Variants in ULK4 observed in about 807,000 individuals in gnomAD.
ULK4 encodes inactive serine/threonine-protein kinase ULK4.
In ULK4, 133 loss-of-function variants were observed where a neutral mutation model predicts 160.6. That is an observed-to-expected ratio of 0.83 (90% CI 0.72 to 0.96). ULK4 has a LOEUF of 0.96. Among genes scored for constraint, ULK4 ranks in the 40% least tolerant of loss-of-function variants. The pLI is 0.00. For synonymous variants in ULK4, 534 were observed against 539.8 expected (o/e 0.99, Z 0.15); for missense variants, 1,580 against 1,499.5 (o/e 1.05, Z -0.89).
chr3:41,470,438 C>G (rs1285663330), intron 32 of ULK4, among the ~76,000 whole-genome samples: 1 of 152,176 alleles, frequency 6.6e-6, no homozygotes, highest in Non-Finnish European at 1.5e-5. Flanking sequence ...TAACGGAATT[C>G]ATCACCACTA....
At chr3:41,537,485 T>C (rs1575378012) in intron 32 of ULK4, among the ~76,000 whole-genome samples, 1 of 152,186 alleles carries the variant, frequency 6.6e-6, no homozygotes, top group Admixed American at 6.5e-5. Context: ...AAGCCTGTAA[T>C]GAGTCCTAAA....
chr3:41,471,157 GAT>G (rs2083980838), intron 32 of ULK4, among the ~76,000 whole-genome samples: 2 of 151,854 alleles, frequency 1.3e-5, no homozygotes, highest in African/African-American at 4.8e-5. Flanking sequence ...AATGGAAAAA[GAT>G]ATTCCACGCA....
rs372607141 is a variant in ULK4 at position 41,297,292 on chromosome 3, G to A, written c.3679-47718C>T. Reference sequence around the variant, plus strand: ...CCCTGCTTCTCTGCAATCACTGGGCGGGGGGTTGGAGGGACATGGCTTCTT... The same window carrying A: ...CCCTGCTTCTCTGCAATCACTGGGCAGGGGGTTGGAGGGACATGGCTTCTT... On this transcript the variant is annotated intron_variant, in intron 35 of 36. Transcript: ENST00000301831. Among the ~76,000 whole-genome samples the A allele has an allele frequency of 9.4e-4, 143 of 152,294 alleles. 1 individual carries two copies. Among genetic ancestry groups the A allele is most frequent in the African/African-American group, 3.3e-3 (137 of 41,574 alleles).
chr3:41,816,953 T>C (rs2040986105), intron 19 of ULK4, among the ~76,000 whole-genome samples: 2 of 152,034 alleles, frequency 1.3e-5, no homozygotes, highest in South Asian at 2.1e-4. Context: ...CAGAAATAAG[T>C]AGACCAACAG....
chr3:41,646,665 T>C (rs1473569212), intron 30 of ULK4, among the ~76,000 whole-genome samples: 2 of 152,210 alleles, frequency 1.3e-5, no homozygotes, highest in Admixed American at 6.5e-5. Context: ...CTGACAATTA[T>C]GTGTCTTGGA....
intron 34 of ULK4, among the ~76,000 whole-genome samples, chr3:41,406,608 G>A (rs2082298754): frequency 1.3e-5 from 2 of 152,030 alleles, no homozygotes; most frequent in Admixed American, 6.6e-5. Flanking sequence ...GTAAATATTG[G>A]GGGACTAGGG....
intron 21 of ULK4, among the ~76,000 whole-genome samples, chr3:41,763,159 G>A (rs998685808): frequency 6.6e-6 from 1 of 151,640 alleles, no homozygotes; most frequent in African/African-American, 2.4e-5. Context: ...TACAGGATAG[G>A]ATAAAAGTAG....
chr3:41,683,547 C>A (rs2035993161), intron 27 of ULK4, among the ~76,000 whole-genome samples: 2 of 151,412 alleles, frequency 1.3e-5, no homozygotes, highest in South Asian at 2.2e-4. Flanking sequence ...CTCCCTGTGA[C>A]CCCTCACAAC....
chr3:41,754,436 C>T lies in ULK4; in HGVS notation c.2246G>A (p.Arg749Lys). Residue 749 changes from arginine (R) to lysine (K), a missense_variant, in exon 22 of 37, where the codon AGA becomes AAA. Physicochemically the swap from Arg to Lys is conservative, Grantham distance 26. Coordinates refer to ENST00000301831, the MANE Select transcript of ULK4 (RefSeq NM_017886.4). ...TAGAAGAACCAGGAAGGCTTTTGCT[C>T]TAATGCATGTTGAGGGGCTGTCAAG... ...RLLDSPSTCIRAKAFLVLLYI... is the reference protein window; with the variant it reads ...RLLDSPSTCIKAKAFLVLLYI... 1.9e-6 allele frequency: 3 copies of T among 1,613,764 alleles called. No individual in the cohort carries two copies. The highest frequency in any genetic ancestry group is 2.5e-6 in the Non-Finnish European group (3 of 1,179,870).
At chr3:41,438,433 G>A (rs564615457) in intron 34 of ULK4, among the ~76,000 whole-genome samples, 10 of 152,078 alleles carry the variant, frequency 6.6e-5, no homozygotes, top group African/African-American at 1.2e-4. Context: ...AGGATGGTGC[G>A]TGAGTTCAAA....
chr3:41,561,319 A>C (rs2087560685), intron 32 of ULK4, among the ~76,000 whole-genome samples: 1 of 152,224 alleles, frequency 6.6e-6, no homozygotes, highest in Admixed American at 6.5e-5. Flanking sequence ...ATTGGTCTAA[A>C]ATTCTCTTTT....
intron 17 of ULK4, among the ~76,000 whole-genome samples, chr3:41,857,348 A>G (rs2042384798): frequency 6.6e-6 from 1 of 152,070 alleles, no homozygotes; most frequent in Non-Finnish European, 1.5e-5. Context: ...GTTTCCTAGT[A>G]TTTTGTTGAG....
chr3:41,819,129 G>T (rs956375638), intron 19 of ULK4, among the ~76,000 whole-genome samples: 1 of 152,134 alleles, frequency 6.6e-6, no homozygotes, highest in Admixed American at 6.5e-5. Flanking sequence ...ATTTTAAAGG[G>T]GGAGTGCGGA....
At chr3:41,953,255 CATAT>C (rs1369597309) in intron 2 of ULK4, among the ~76,000 whole-genome samples, 1 of 131,358 alleles carries the variant, frequency 7.6e-6, no homozygotes, top group South Asian at 2.6e-4. Context: ...TATACACATA[CATAT>C]ATATACACAT....
intron 16 of ULK4, among the ~76,000 whole-genome samples, chr3:41,893,553 T>C (rs1261802971): frequency 6.6e-6 from 1 of 152,122 alleles, no homozygotes; most frequent in Admixed American, 6.5e-5. Flanking sequence ...GTTCTAATTC[T>C]ACAAATCTTC....
intron 35 of ULK4, among the ~76,000 whole-genome samples, chr3:41,362,137 A>AG (rs1352730119): frequency 6.6e-6 from 1 of 152,218 alleles, no homozygotes; most frequent in Non-Finnish European, 1.5e-5. Context: ...AACTATCATA[A>AG]GACAGTTGAG....
At chr3:41,648,419 T>A (rs1181794822) in intron 30 of ULK4, among the ~76,000 whole-genome samples, 3 of 152,196 alleles carry the variant, frequency 2.0e-5, no homozygotes, top group Non-Finnish European at 4.4e-5. Context: ...CCAAATAGAA[T>A]TATGTAAACA....
At chr3:41,752,438 T>G (rs1559527519) in intron 22 of ULK4, among the ~76,000 whole-genome samples, 1 of 152,058 alleles carries the variant, frequency 6.6e-6, no homozygotes, top group Non-Finnish European at 1.5e-5. Flanking sequence ...ATAGCCAAAA[T>G]ACATGAAACA....
At chr3:41,653,091 G>GAA (rs2034805051) in intron 30 of ULK4, among the ~76,000 whole-genome samples, 1 of 152,022 alleles carries the variant, frequency 6.6e-6, no homozygotes, top group African/African-American at 2.4e-5. Context: ...AATTCCTAGA[G>GAA]ACAGCAAAGA....
Sources: allele counts gnomAD v4.1 joint callset (sites outside exome capture counted in the v4.1 genomes callset), GRCh38; gene constraint gnomAD v4.1.1; transcripts MANE v1.5; gene names NCBI Gene and HGNC (gene_info 2026-07-23, HGNC 2026-07-21).